Variants in LINGO2 observed in about 807,000 individuals in gnomAD.
LINGO2 encodes leucine rich repeat and Ig domain containing 2, also known as leucine-rich repeat and immunoglobulin-like domain-containing nogo receptor-interacting protein 2.
Under a neutral mutation model 30.6 loss-of-function variants are expected in LINGO2, and 14 were observed. The ratio of observed to expected loss-of-function variants is 0.46; its 90% CI spans 0.30 to 0.72. The LOEUF is 0.72. Among genes scored for constraint, LINGO2 ranks in the 30% least tolerant of loss-of-function variants. The probability of loss-of-function intolerance (pLI) is 0.07; values close to 1 mark genes in which losing one functional copy is unlikely to be tolerated. For synonymous variants in LINGO2, 317 were observed against 288.5 expected, an observed-to-expected ratio of 1.10 and a Z score of -1.00; for missense variants, 729 against 751.7, an observed-to-expected ratio of 0.97 and a Z score of 0.35.
chr9:28,202,137 T>C (rs943997093), intron 4 of LINGO2, among the ~76,000 whole-genome samples: 1 of 152,192 alleles, frequency 6.6e-6, no homozygotes, highest in African/African-American at 2.4e-5. Flanking sequence ...ACACCAGTCA[T>C]ATTATAATAC....
At chr9:28,392,653 G>C (rs1334033299) in intron 2 of LINGO2, among the ~76,000 whole-genome samples, 1 of 152,114 alleles carries the variant, frequency 6.6e-6, no homozygotes, top group Non-Finnish European at 1.5e-5. Flanking sequence ...GAGGTCAGTG[G>C]GTGGGGCTAA....
intron 2 of LINGO2, among the ~76,000 whole-genome samples, chr9:28,384,006 C>T (rs1342222722): frequency 6.6e-6 from 1 of 151,966 alleles, no homozygotes; most frequent in African/African-American, 2.4e-5. Context: ...AAGTCATTTA[C>T]ATATGTTCAT....
chr9:29,012,986 A>G, the LINGO2 span, among the ~76,000 whole-genome samples: 1 of 152,174 alleles, frequency 6.6e-6, no homozygotes, highest in Admixed American at 6.6e-5. Context: ...TTGCTTCCCA[A>G]AAGTTCTTAA....
At chr9:28,431,159 G>C (rs555178428) in intron 2 of LINGO2, among the ~76,000 whole-genome samples, 1 of 151,844 alleles carries the variant, frequency 6.6e-6, no homozygotes, top group African/African-American at 2.4e-5. Flanking sequence ...TTCATTGAAA[G>C]CAGTAAGTCT....
chr9:28,073,033 ATTCATTACATC>A (rs1193668586), intron 4 of LINGO2, among the ~76,000 whole-genome samples: 2 of 151,824 alleles, frequency 1.3e-5, no homozygotes, highest in African/African-American at 4.8e-5. Flanking sequence ...CTGCATGCTG[ATTCATTACATC>A]TTCACCAGAC....
At position 28,021,971 on chromosome 9, in the gene LINGO2, G is replaced by C. The variant is rs182203160; in HGVS notation, c.-86-9566C>G. 1.6e-4 allele frequency among the ~76,000 whole-genome samples: 25 copies of C among 151,984 alleles called. No individual in the cohort carries two copies. In the East Asian group the frequency reaches 2.1e-3, roughly 13 times the overall value. Reference sequence around the variant, plus strand: ...CTGCATTTAACCATAAATATTTAAAGTAATATTGATAAAACTGGATTAATA... The same window carrying C: ...CTGCATTTAACCATAAATATTTAAACTAATATTGATAAAACTGGATTAATA... On this transcript the variant is annotated intron_variant, in intron 4 of 5. Transcript: ENST00000379992.
the LINGO2 span, among the ~76,000 whole-genome samples, chr9:28,794,693 A>G: frequency 3.9e-5 from 6 of 152,186 alleles, no homozygotes; most frequent in African/African-American, 1.4e-4. Flanking sequence ...AGAAAACTCT[A>G]ATTGTCTAAA....
the LINGO2 span, among the ~76,000 whole-genome samples, chr9:29,203,079 T>G: frequency 6.6e-6 from 1 of 152,054 alleles, no homozygotes; most frequent in East Asian, 1.9e-4. Context: ...CAACCATATA[T>G]ATATGCAAAT....
chr9:28,189,260 G>T (rs1587175766), intron 4 of LINGO2, among the ~76,000 whole-genome samples: 1 of 119,190 alleles, frequency 8.4e-6, no homozygotes. Context: ...AGGGAGGAAG[G>T]AAGGGAGGGA....
intron 1 of LINGO2, among the ~76,000 whole-genome samples, chr9:28,633,429 A>T (rs1466596968): frequency 6.6e-6 from 1 of 152,170 alleles, no homozygotes; most frequent in Admixed American, 6.6e-5. Context: ...AAATTTCCAA[A>T]AAAATAAGCA....
At chr9:29,002,992 G>C in the LINGO2 span, among the ~76,000 whole-genome samples, 2 of 151,934 alleles carry the variant, frequency 1.3e-5, no homozygotes, top group South Asian at 4.1e-4. Flanking sequence ...AAAATGACTG[G>C]TGTCCTTACA....
At chr9:28,872,919 A>G in the LINGO2 span, among the ~76,000 whole-genome samples, 2 of 152,186 alleles carry the variant, frequency 1.3e-5, no homozygotes, top group African/African-American at 2.4e-5. Flanking sequence ...AAATCAAATG[A>G]TGATTCTTCT....
intron 5 of LINGO2, among the ~76,000 whole-genome samples, chr9:27,966,921 GAGA>G (rs1286477091): frequency 6.6e-6 from 1 of 152,046 alleles, no homozygotes; most frequent in Non-Finnish European, 1.5e-5. Context: ...ATATCAACTG[GAGA>G]AGAATTCTGT....
intron 1 of LINGO2, among the ~76,000 whole-genome samples, chr9:28,480,428 C>G (rs911392545): frequency 6.6e-6 from 1 of 151,984 alleles, no homozygotes; most frequent in Non-Finnish European, 1.5e-5. Flanking sequence ...CAGATGGGAA[C>G]AGGCTCAAGG....
intron 4 of LINGO2, among the ~76,000 whole-genome samples, chr9:28,025,388 C>A (rs982081175): frequency 1.4e-4 from 21 of 152,288 alleles, no homozygotes; most frequent in South Asian, 4.1e-4. Flanking sequence ...AAAATACTAT[C>A]TCTTTTGGCA....
At chr9:28,253,991 G>C (rs189920957) in intron 4 of LINGO2, among the ~76,000 whole-genome samples, 76 of 152,178 alleles carry the variant, frequency 5.0e-4, no homozygotes, top group East Asian at 4.8e-3. Flanking sequence ...TCTTGTTCAG[G>C]AGAGAGTCCT....
chr9:28,438,996 A>T (rs1332683019), intron 2 of LINGO2, among the ~76,000 whole-genome samples: 1 of 147,366 alleles, frequency 6.8e-6, no homozygotes, highest in African/African-American at 2.5e-5. Context: ...GATAATATCT[A>T]TACATTATAT....
the LINGO2 span, among the ~76,000 whole-genome samples, chr9:28,936,506 T>C: frequency 2.0e-5 from 3 of 152,134 alleles, no homozygotes; most frequent in African/African-American, 4.8e-5. Flanking sequence ...TAATGGACAA[T>C]AAAACTGAAG....
chr9:28,601,938 G>A (rs1230098413), intron 1 of LINGO2, among the ~76,000 whole-genome samples: 1 of 152,022 alleles, frequency 6.6e-6, no homozygotes, highest in Non-Finnish European at 1.5e-5. Context: ...AGAAAAATAA[G>A]TAACAAAACT....
Sources: gnomAD v4.1 joint callset for allele counts (sites outside exome capture counted in the v4.1 genomes callset) on GRCh38, gnomAD v4.1.1 for gene constraint, MANE v1.5 for transcripts, NCBI Gene and HGNC (gene_info 2026-07-23, HGNC 2026-07-21) for gene names.